The following PLXDC2 variants were observed in gnomAD, a reference collection of about 807,000 sequenced individuals.
The protein encoded by PLXDC2 is plexin domain-containing protein 2.
PLXDC2 carries 40 observed loss-of-function variants against 68.9 expected under a neutral mutation model. The observed-to-expected ratio is 0.58, with a 90% CI of 0.45 to 0.76. The LOEUF (loss-of-function observed/expected upper bound fraction) is 0.76. Among genes scored for constraint, PLXDC2 ranks in the 30% least tolerant of loss-of-function variants. The pLI, the probability that PLXDC2 is intolerant of heterozygous loss-of-function variation, is 0.00. For synonymous variants in PLXDC2, 243 were observed against 234.2 expected (o/e 1.04, Z -0.34); for missense variants, 644 against 661.9 (o/e 0.97, Z 0.30).
At chr10:19,888,871 A>G (rs1589521060) in intron 1 of PLXDC2, among the ~76,000 whole-genome samples, 4 of 152,304 alleles carry the variant, frequency 2.6e-5, no homozygotes, top group Middle Eastern at 6.8e-3. Context: ...CTGAGTATAT[A>G]GAACAGAAAT....
intron 5 of PLXDC2, among the ~76,000 whole-genome samples, chr10:20,145,156 T>C (rs978925412): frequency 2.6e-5 from 4 of 152,208 alleles, no homozygotes; most frequent in African/African-American, 9.6e-5. Context: ...TGTCTGAGAA[T>C]TGTAAAAGTA....
At chr10:19,903,791 T>C (rs1247859060) in intron 1 of PLXDC2, among the ~76,000 whole-genome samples, 2 of 152,094 alleles carry the variant, frequency 1.3e-5, no homozygotes, top group Non-Finnish European at 2.9e-5. Context: ...CTATTTGTGC[T>C]CTTTCAGACT....
chr10:19,933,651 C>T (rs1456862437), intron 1 of PLXDC2, among the ~76,000 whole-genome samples: 1 of 151,548 alleles, frequency 6.6e-6, no homozygotes, highest in East Asian at 1.9e-4. Flanking sequence ...AAAACAAAAA[C>T]AACAAACAAA....
At chr10:19,929,687 A>T (rs1833594583) in intron 1 of PLXDC2, among the ~76,000 whole-genome samples, 1 of 152,196 alleles carries the variant, frequency 6.6e-6, no homozygotes, top group African/African-American at 2.4e-5. Context: ...ATGAGTCAGG[A>T]AGAAAAAAAT....
intron 5 of PLXDC2, 91 bp downstream of exon 5, chr10:20,143,508 T>G (rs1834033897): frequency 2.0e-6 from 3 of 1,524,012 alleles, no homozygotes; most frequent in Non-Finnish European, 2.7e-6. Flanking sequence ...ACTGTTTATT[T>G]TTTGGTGTGT....
At chr10:20,139,307 G>A (rs1246519995) in intron 4 of PLXDC2, among the ~76,000 whole-genome samples, 4 of 152,194 alleles carry the variant, frequency 2.6e-5, no homozygotes, top group Non-Finnish European at 5.9e-5. Flanking sequence ...AACAAAATAT[G>A]TTTGCTTCTC....
chr10:19,985,137 A>G (rs1834614842), intron 1 of PLXDC2, among the ~76,000 whole-genome samples: 3 of 152,362 alleles, frequency 2.0e-5, no homozygotes, highest in Admixed American at 2.0e-4. Context: ...AGGGCGATAC[A>G]TGCATTGCAA....
At chr10:20,174,621 C>T (rs1250700936) in intron 7 of PLXDC2, among the ~76,000 whole-genome samples, 1 of 151,944 alleles carries the variant, frequency 6.6e-6, no homozygotes, top group Non-Finnish European at 1.5e-5. Context: ...GGAAGGGGAA[C>T]ATCACACAAT....
At chr10:19,976,965 T>A (rs1275002349) in intron 1 of PLXDC2, among the ~76,000 whole-genome samples, 2 of 152,176 alleles carry the variant, frequency 1.3e-5, no homozygotes, top group Admixed American at 1.3e-4. Flanking sequence ...ATTTTTTATT[T>A]AAATAAAATT....
At chr10:20,117,911 G>A (rs1833642797) in intron 4 of PLXDC2, among the ~76,000 whole-genome samples, 1 of 152,164 alleles carries the variant, frequency 6.6e-6, no homozygotes, top group Admixed American at 6.6e-5. Context: ...AATGCTTTTA[G>A]ACTAAGTAAG....
intron 3 of PLXDC2, among the ~76,000 whole-genome samples, chr10:20,060,653 A>C (rs1398243743): frequency 6.6e-6 from 1 of 152,090 alleles, no homozygotes; most frequent in Non-Finnish European, 1.5e-5. Flanking sequence ...TGATCTGATT[A>C]GACTGCTCTG....
chr10:20,042,370 C>A (rs1354511920), intron 2 of PLXDC2, among the ~76,000 whole-genome samples: 3 of 152,078 alleles, frequency 2.0e-5, no homozygotes, highest in Non-Finnish European at 4.4e-5. Flanking sequence ...CTGTGTAGCC[C>A]TTGTGAAATC....
At chr10:19,946,985 T>C (rs1422461464) in intron 1 of PLXDC2, among the ~76,000 whole-genome samples, 1 of 152,038 alleles carries the variant, frequency 6.6e-6, no homozygotes, top group East Asian at 1.9e-4. Flanking sequence ...ACTTGTCGGG[T>C]CCATGGCCCT....
At chr10:19,969,518 T>G (rs1834315516) in intron 1 of PLXDC2, among the ~76,000 whole-genome samples, 1 of 152,202 alleles carries the variant, frequency 6.6e-6, no homozygotes, top group Admixed American at 6.5e-5. Context: ...AAATCGATAT[T>G]TTCAAAGCTT....
chr10:19,836,027 A>G (rs1057045895), intron 1 of PLXDC2, among the ~76,000 whole-genome samples: 2 of 151,984 alleles, frequency 1.3e-5, no homozygotes, highest in African/African-American at 2.4e-5. Context: ...AAATAAAAAA[A>G]TTAGCAGGAT....
At chr10:19,846,919 A>G (rs1837020305) in intron 1 of PLXDC2, among the ~76,000 whole-genome samples, 1 of 152,132 alleles carries the variant, frequency 6.6e-6, no homozygotes, top group Non-Finnish European at 1.5e-5. Context: ...GGCAGAAGGG[A>G]AAAGGCACGT....
intron 4 of PLXDC2, among the ~76,000 whole-genome samples, chr10:20,089,908 C>CTT (rs1833253706): frequency 6.6e-6 from 1 of 152,188 alleles, no homozygotes; most frequent in African/African-American, 2.4e-5. Context: ...TCCATCTTGA[C>CTT]TTTGTAAGGA....
chr10:20,249,669 T>C (rs1835645780), intron 13 of PLXDC2, among the ~76,000 whole-genome samples: 1 of 152,162 alleles, frequency 6.6e-6, no homozygotes, highest in African/African-American at 2.4e-5. Context: ...GGTCCTTAAC[T>C]GAACCACATC....
chr10:19,912,946 G>T (rs1436501802), intron 1 of PLXDC2, among the ~76,000 whole-genome samples: 5 of 152,074 alleles, frequency 3.3e-5, no homozygotes, highest in Non-Finnish European at 7.4e-5. Context: ...CTTTCCTAAG[G>T]CAGTTTAATT....
Sources: allele counts gnomAD v4.1 joint callset (sites outside exome capture counted in the v4.1 genomes callset), GRCh38; gene constraint gnomAD v4.1.1; transcripts MANE v1.5; gene names NCBI Gene and HGNC (gene_info 2026-07-23, HGNC 2026-07-21).